Variants in SPPL2B observed in about 807,000 individuals in gnomAD.
The protein encoded by SPPL2B is signal peptide peptidase like 2B, also known as signal peptide peptidase-like 2B.
A neutral mutation model predicts 59.7 loss-of-function variants in SPPL2B; 39 were observed. The ratio of observed to expected loss-of-function variants is 0.65; its 90% CI spans 0.51 to 0.85. The LOEUF (loss-of-function observed/expected upper bound fraction) is 0.85. SPPL2B is among the 40% of genes least tolerant of loss of function. SPPL2B has a pLI of 0.00. For synonymous variants in SPPL2B, 419 were observed against 370.8 expected, an observed-to-expected ratio of 1.13 and a Z score of -1.49; for missense variants, 865 against 849.0, an observed-to-expected ratio of 1.02 and a Z score of -0.23.
At chr19:2,344,293 C>A in intron 10 of SPPL2B, 69 bp from the exon 11 acceptor site, 1 of 848,704 alleles carries the variant, frequency 1.2e-6, no homozygotes, top group South Asian at 1.5e-5. Context: ...GCCCCCTCGC[C>A]CCATCACCCC....
At position 2,339,939 on chromosome 19, in the gene SPPL2B, C is replaced by A; in HGVS notation, c.715C>A (p.Leu239Met). 1 of 1,560,178 alleles carries A rather than the reference C, an allele frequency of 6.4e-7. No homozygotes were observed. Among genetic ancestry groups the A allele is most frequent in the South Asian group, 1.2e-5 (1 of 84,864 alleles). The change falls in exon 6 of 15, where the codon CTG becomes ATG. Residue 239 changes from leucine to methionine, a missense_variant. Physicochemically the swap from Leu to Met is conservative, Grantham distance 15 (BLOSUM62 2). Coordinates refer to ENST00000613503, the MANE Select transcript of SPPL2B (RefSeq NM_152988.3). ...GGTGATGTGCTGCTCCATGCTGGTG[C>A]TGCTCTACTATTTCTACGATCTCCT... Reference protein sequence around the residue: ...FVVMCCSMLVLLYYFYDLLVY... With the variant: ...FVVMCCSMLVMLYYFYDLLVY...
At position 2,353,310 on chromosome 19, in the gene SPPL2B, C is replaced by T. The variant is rs1391846437; in HGVS notation, c.*101C>T. The T allele has an allele frequency of 1.4e-5, 19 of 1,385,524 alleles. No homozygotes were observed. The highest frequency in any genetic ancestry group is 5.8e-5 in the South Asian group (4 of 68,752). 85.8% of individuals were successfully genotyped at this position (1,385,524 alleles called of 1,614,324 possible). A position where few individuals can be genotyped will look rare whatever the true frequency, so the allele number is the denominator to read the frequency against. ...CAGACAGACGCCTGTCCCCCGGGAC[C>T]GAGGCCTGTGCCGTCCCCACCCGCC... On this transcript the variant is annotated 3_prime_UTR_variant, in exon 15 of 15. Coordinates refer to ENST00000613503, the MANE Select transcript of SPPL2B (RefSeq NM_152988.3).
chr19:2,346,446 G>C (rs558977456), intron 13 of SPPL2B, among the ~76,000 whole-genome samples: 7 of 152,228 alleles, frequency 4.6e-5, no homozygotes, highest in Non-Finnish European at 8.8e-5. Flanking sequence ...TGGGAGGATT[G>C]CTTGAGTCCA....
At chr19:2,337,677 G>C (rs920329015) in intron 3 of SPPL2B, 52 bp downstream of exon 3, 2 of 1,477,236 alleles carry the variant, frequency 1.4e-6, no homozygotes, top group Non-Finnish European at 1.8e-6. Context: ...CAGGAGGGGG[G>C]TGCAGGAGGC....
At chr19:2,335,815 G>A (rs770378457) in intron 2 of SPPL2B, among the ~76,000 whole-genome samples, 40 of 152,268 alleles carry the variant, frequency 2.6e-4, no homozygotes, top group Non-Finnish European at 3.8e-4. Flanking sequence ...GAGGTGTGCC[G>A]GCGAAGAGGC....
intron 13 of SPPL2B, among the ~76,000 whole-genome samples, chr19:2,348,005 T>C (rs74176386): frequency 3.0e-4 from 14 of 46,804 alleles, no homozygotes; most frequent in East Asian, 9.0e-4. Flanking sequence ...CGCTCTCATT[T>C]GCCTGATTCC....
chr19:2,336,394 GTGTA>G (rs1217877752), intron 2 of SPPL2B, among the ~76,000 whole-genome samples: 4 of 152,112 alleles, frequency 2.6e-5, no homozygotes, highest in Non-Finnish European at 5.9e-5. Context: ...ATAGGTCTGT[GTGTA>G]TGTGTGTGTA....
intron 3 of SPPL2B, chr19:2,338,264 C>T (rs1968773508): frequency 6.4e-6 from 1 of 156,174 alleles, no homozygotes; most frequent in African/African-American, 2.4e-5. Flanking sequence ...CTGCCCCCGC[C>T]AGTGTTGCAC....
intron 13 of SPPL2B, among the ~76,000 whole-genome samples, chr19:2,347,005 C>A (rs527311655): frequency 6.6e-6 from 1 of 152,332 alleles, no homozygotes; most frequent in Admixed American, 6.5e-5. Context: ...TTTCTCAGAG[C>A]TTTATTTTGA....
chr19:2,335,451 C>A (rs577468812), intron 2 of SPPL2B, among the ~76,000 whole-genome samples: 2 of 146,822 alleles, frequency 1.4e-5, no homozygotes, highest in East Asian at 4.0e-4. Flanking sequence ...TGCTTCAGGC[C>A]CCGCCTCCTT....
chr19:2,339,683 C>T (rs1003985904), intron 5 of SPPL2B, 141 bp from the exon 6 acceptor site: 9 of 918,972 alleles, frequency 9.8e-6, no homozygotes, highest in South Asian at 3.2e-5. Flanking sequence ...ACGTTCGGGG[C>T]GGTTCCTTGC....
At chr19:2,334,816 G>A (rs924306716) in intron 2 of SPPL2B, 95 bp downstream of exon 2, 5 of 1,414,638 alleles carry the variant, frequency 3.5e-6, no homozygotes, top group Admixed American at 2.8e-5. Flanking sequence ...GAAAGATCCA[G>A]AGGCGAGAGG....
chr19:2,347,315 ACACT>A (rs1228119696), intron 13 of SPPL2B, among the ~76,000 whole-genome samples: 2 of 96,940 alleles, frequency 2.1e-5, no homozygotes, highest in African/African-American at 4.1e-5. Flanking sequence ...CTCTCCACAC[ACACT>A]CACGCGCTCT....
At chr19:2,343,906 A>T in intron 9 of SPPL2B, 59 bp from the exon 10 acceptor site, 1 of 1,318,296 alleles carries the variant, frequency 7.6e-7, no homozygotes, top group African/African-American at 1.5e-5. Flanking sequence ...GCCTCATGAG[A>T]TGGGAGTGGG....
At chr19:2,341,521 C>T (rs1480991457) in intron 8 of SPPL2B, 10 of 446,084 alleles carry the variant, frequency 2.2e-5, no homozygotes, top group Non-Finnish European at 3.2e-5. Context: ...TCCCGCTGGC[C>T]GGGCCTCCCC....
In SPPL2B at chr19:2,337,482, TGCTCCGCAGCC is replaced by T; in HGVS notation, c.228_238del (p.Cys76Ter). On this transcript the variant is annotated frameshift_variant, in exon 3 of 15. Coordinates refer to ENST00000613503, the MANE Select transcript of SPPL2B (RefSeq NM_152988.3). LOFTEE classifies it high-confidence loss of function. The stretch of plus-strand genomic sequence containing the variant: ...GCGCAACTGGACGGCCTCCCTGCTC[TGCTCCGCAGCC>T]GACCTCCCCGCCCGTGGCTTCAGCA... The T allele has an allele frequency of 6.2e-7, 1 of 1,612,720 alleles. No individual in the cohort carries two copies.
chr19:2,350,154 ACACT>A lies in SPPL2B; in HGVS notation c.1355-1276_1355-1273del, dbSNP rs1399759196. On this transcript the variant is annotated intron_variant, in intron 13 of 14. Transcript: ENST00000613503. ...TTGATTCCGTTCTCTCTCTCCACAC[ACACT>A]CACGCGCTCTCATTCGCTTGATTCC... Among the ~76,000 whole-genome samples, 18 of 147,792 alleles carry A rather than the reference ACACT, an allele frequency of 1.2e-4. 1 individual carries two copies. The highest frequency in any genetic ancestry group is 3.8e-4 in the African/African-American group (15 of 39,342).
Position 2,344,408 on chromosome 19 carries a change from C to G in SPPL2B, c.1160C>G (p.Ser387Ter), listed in dbSNP as rs1166115060. Reference protein sequence around the residue: ...MVEVATGPSDSATREKLPMVL... With the variant: ...MVEVATGPSD Reference sequence around the variant, plus strand: ...GAGGTGGCCACTGGGCCCTCGGACTCAGCCACCCGTGAGAAGGTGTGTCTT... The same window carrying G: ...GAGGTGGCCACTGGGCCCTCGGACTGAGCCACCCGTGAGAAGGTGTGTCTT... The change falls in exon 11 of 15, where the codon TCA becomes TGA. Residue 387 changes from serine to a stop codon, truncating the protein, a stop_gained. Coordinates refer to ENST00000613503, the MANE Select transcript of SPPL2B (RefSeq NM_152988.3). LOFTEE classifies it high-confidence loss of function. 1.3e-6 allele frequency: 2 copies of G among 1,568,674 alleles called. No individual in the cohort carries two copies. Among genetic ancestry groups the G allele is most frequent in the Non-Finnish European group, 1.7e-6 (2 of 1,157,502 alleles).
In SPPL2B at chr19:2,354,101, TCCCGTGTGGGC is replaced by T. The variant is rs1161848395; in HGVS notation, c.*900_*910del. 2 of 152,264 alleles carry T rather than the reference TCCCGTGTGGGC, an allele frequency of 1.3e-5. No individual in the cohort carries two copies. The highest frequency in any genetic ancestry group is 4.8e-5 in the African/African-American group (2 of 41,448). 9.4% of individuals were successfully genotyped at this position (152,264 alleles called of 1,614,324 possible). A position where few individuals can be genotyped will look rare whatever the true frequency, so the allele number is the denominator to read the frequency against. The stretch of plus-strand genomic sequence containing the variant: ...GTAGCTCCCGGCACCCAACCTCGCT[TCCCGTGTGGGC>T]CCCGTGTTGCTTTTCTGCTGAGAGG... On this transcript the variant is annotated 3_prime_UTR_variant, in exon 15 of 15. Coordinates refer to ENST00000613503, the MANE Select transcript of SPPL2B (RefSeq NM_152988.3).
Sources: gnomAD v4.1 joint callset for allele counts (sites outside exome capture counted in the v4.1 genomes callset) on GRCh38, gnomAD v4.1.1 for gene constraint, MANE v1.5 for transcripts, NCBI Gene and HGNC (gene_info 2026-07-23, HGNC 2026-07-21) for gene names.